SLC35D1: variants seen among roughly 807,000 people sequenced by gnomAD.
SLC35D1 encodes nucleotide sugar transporter SLC35D1.
In SLC35D1, 31 loss-of-function variants were observed where a neutral mutation model predicts 46.7. The ratio of observed to expected loss-of-function variants is 0.66; its 90% CI spans 0.50 to 0.90. SLC35D1 has a LOEUF of 0.90. SLC35D1 is among the 40% of genes least tolerant of loss of function. The pLI is 0.00. For synonymous variants in SLC35D1, 195 were observed against 164.6 expected (o/e 1.18, Z -1.41); for missense variants, 397 against 426.2 (o/e 0.93, Z 0.60).
intron 11 of SLC35D1, 37 bp from the exon 12 acceptor site, chr1:67,004,485 G>GGGA (rs748765629): frequency 6.3e-7 from 1 of 1,583,230 alleles, no homozygotes; most frequent in South Asian, 1.1e-5. Context: ...GATGGAGGAA[G>GGGA]GGAGGGTTTT....
At position 67,031,836 on chromosome 1, in the gene SLC35D1, C is replaced by T. The variant is rs550198867; in HGVS notation, c.730-10234G>A. The stretch of plus-strand genomic sequence containing the variant: ...ATACAGAAGAAATTATTCGCTTAAA[C>T]TTCCACCAGTTATCTCCTGGTGGTA... On this transcript the variant is annotated intron_variant, in intron 8 of 11. Coordinates refer to ENST00000235345, the MANE Select transcript of SLC35D1 (RefSeq NM_015139.3). Among the ~76,000 whole-genome samples the T allele has an allele frequency of 1.8e-4, 27 of 152,330 alleles. No individual in the cohort carries two copies. The South Asian group carries it at 5.4e-3, about 30-fold the overall frequency.
At chr1:66,977,094 C>A in the SLC35D1 span, among the ~76,000 whole-genome samples, 1 of 151,862 alleles carries the variant, frequency 6.6e-6, no homozygotes. Context: ...TCAGTATAAG[C>A]ACATACAGTT....
chr1:66,976,747 C>A, the SLC35D1 span: 2 of 1,524,090 alleles, frequency 1.3e-6, no homozygotes, highest in Non-Finnish European at 1.8e-6. Flanking sequence ...TCCTTAAGAG[C>A]TATATATACA....
chr1:67,033,600 T>C (rs1436116914), intron 8 of SLC35D1, among the ~76,000 whole-genome samples: 1 of 152,120 alleles, frequency 6.6e-6, no homozygotes, highest in Admixed American at 6.6e-5. Context: ...CCTATAGAGC[T>C]GTTTTTCAAA....
intron 11 of SLC35D1, chr1:67,008,387 T>G (rs1482416006): frequency 7.8e-7 from 1 of 1,286,494 alleles, no homozygotes; most frequent in Admixed American, 2.3e-5. Flanking sequence ...TCTGCCCGCC[T>G]CAGCCTCCCA....
intron 8 of SLC35D1, among the ~76,000 whole-genome samples, chr1:67,024,330 A>C (rs1295755980): frequency 1.3e-5 from 2 of 152,160 alleles, no homozygotes; most frequent in Admixed American, 6.5e-5. Flanking sequence ...TGTCTTTTAT[A>C]ATTCTTGCTT....
At chr1:66,975,989 T>TG in the SLC35D1 span, among the ~76,000 whole-genome samples, 31,077 of 151,840 alleles carry the variant, frequency 0.2, 3,578 homozygotes, top group Non-Finnish European at 0.25. Context: ...AGGCCTTTTT[T>TG]TTGTGTGTGT....
chr1:67,037,715 A>G (rs1668152227), intron 8 of SLC35D1, among the ~76,000 whole-genome samples: 1 of 152,214 alleles, frequency 6.6e-6, no homozygotes, highest in Admixed American at 6.5e-5. Flanking sequence ...AGTGTGACAG[A>G]TATTTTCTTA....
At chr1:67,007,584 T>C (rs1667477621) in intron 11 of SLC35D1, among the ~76,000 whole-genome samples, 1 of 152,212 alleles carries the variant, frequency 6.6e-6, no homozygotes, top group Non-Finnish European at 1.5e-5. Context: ...ACTCGATCAT[T>C]ATCAAATATA....
At chr1:67,051,339 T>A (rs2755259) in intron 4 of SLC35D1, among the ~76,000 whole-genome samples, 1 of 152,050 alleles carries the variant, frequency 6.6e-6, no homozygotes, top group Non-Finnish European at 1.5e-5. Flanking sequence ...GGTGAAGCCA[T>A]GGGGTTTCTG....
At chr1:67,009,042 A>G in intron 11 of SLC35D1, 43 bp downstream of exon 11, 1 of 906,916 alleles carries the variant, frequency 1.1e-6, no homozygotes. Context: ...CTATTTGAAT[A>G]TCCAATTCCG....
At chr1:67,039,995 ATTTT>A (rs11300562) in intron 8 of SLC35D1, among the ~76,000 whole-genome samples, 1 of 140,186 alleles carries the variant, frequency 7.1e-6, no homozygotes, top group Non-Finnish European at 1.6e-5. Flanking sequence ...TTACATCACA[ATTTT>A]TTTTTTTTTT....
At chr1:67,006,174 T>C (rs1411683540) in intron 11 of SLC35D1, among the ~76,000 whole-genome samples, 2 of 152,186 alleles carry the variant, frequency 1.3e-5, no homozygotes, top group African/African-American at 4.8e-5. Flanking sequence ...ATGCCAATGT[T>C]CATAGAGCTT....
At chr1:67,028,509 G>T (rs751119227) in intron 8 of SLC35D1, among the ~76,000 whole-genome samples, 1 of 151,896 alleles carries the variant, frequency 6.6e-6, no homozygotes, top group African/African-American at 2.4e-5. Context: ...ATATATTTTG[G>T]AGCTCTCTCA....
In SLC35D1 at chr1:67,016,141, G is replaced by A. The variant is rs377227462; in HGVS notation, c.876+4228C>T. 2.0e-5 allele frequency among the ~76,000 whole-genome samples: 3 copies of A among 151,938 alleles called. No individual in the cohort carries two copies. In the East Asian group the frequency reaches 5.8e-4, roughly 29 times the overall value. The stretch of plus-strand genomic sequence containing the variant: ...TTATATAAATGTGTTATTAATATAT[G>A]TTCTAAACCTGTATGAGATTCCTAA... On this transcript the variant is annotated intron_variant, in intron 10 of 11. Coordinates refer to ENST00000235345, the MANE Select transcript of SLC35D1 (RefSeq NM_015139.3).
intron 9 of SLC35D1, 41 bp downstream of exon 9, chr1:67,021,494 C>G: frequency 1.2e-6 from 2 of 1,605,196 alleles, no homozygotes; most frequent in Non-Finnish European, 1.7e-6. Context: ...TAACCTATTT[C>G]TTTAGGAAAA....
intron 11 of SLC35D1, among the ~76,000 whole-genome samples, chr1:67,006,602 A>C (rs1166896485): frequency 6.6e-6 from 1 of 152,122 alleles, no homozygotes; most frequent in Non-Finnish European, 1.5e-5. Flanking sequence ...CACAGGATAG[A>C]AGAAGACAAA....
At chr1:66,975,536 G>C in the SLC35D1 span, among the ~76,000 whole-genome samples, 109 of 141,268 alleles carry the variant, frequency 7.7e-4, no homozygotes, top group African/African-American at 2.4e-3. Flanking sequence ...AAAAAAAAAA[G>C]AAAAAGAAAG....
At chr1:67,006,065 GTCGTGAAC>G (rs1667441566) in intron 11 of SLC35D1, among the ~76,000 whole-genome samples, 1 of 152,018 alleles carries the variant, frequency 6.6e-6, no homozygotes, top group South Asian at 2.1e-4. Context: ...GCCCAGGCAG[GTCGTGAAC>G]TCCTGGGCTC....
Sources: gnomAD v4.1 joint callset for allele counts (sites outside exome capture counted in the v4.1 genomes callset) on GRCh38, gnomAD v4.1.1 for gene constraint, MANE v1.5 for transcripts, NCBI Gene and HGNC (gene_info 2026-07-23, HGNC 2026-07-21) for gene names.